PARD3B: variants seen among roughly 807,000 people sequenced by gnomAD.
PARD3B encodes the protein partitioning defective 3 homolog B.
PARD3B carries 103 observed loss-of-function variants against 130.2 expected under a neutral mutation model. The ratio of observed to expected loss-of-function variants is 0.79; its 90% CI spans 0.67 to 0.93. The LOEUF (loss-of-function observed/expected upper bound fraction) is 0.93. Ranked by LOEUF, PARD3B falls within the 40% of genes least tolerant of loss-of-function variation. PARD3B has a pLI of 0.00. For missense variants in PARD3B, 1,609 were observed against 1,499.2 expected (o/e 1.07, Z -1.21); for synonymous variants, 583 against 553.2 (o/e 1.05, Z -0.76).
intron 2 of PARD3B, among the ~76,000 whole-genome samples, chr2:204,801,740 A>G (rs1171983318): frequency 2.6e-5 from 4 of 152,118 alleles, no homozygotes; most frequent in African/African-American, 4.8e-5. Flanking sequence ...TTCCAATACT[A>G]TGTTGAATAG....
intron 16 of PARD3B, among the ~76,000 whole-genome samples, chr2:205,259,004 T>G (rs1479957919): frequency 4.6e-5 from 7 of 152,146 alleles, no homozygotes; most frequent in Non-Finnish European, 5.9e-5. Flanking sequence ...AATCTAAAAT[T>G]AGTCTGTATC....
At chr2:205,419,302 T>G (rs1195579588) in intron 19 of PARD3B, among the ~76,000 whole-genome samples, 1 of 129,282 alleles carries the variant, frequency 7.7e-6, no homozygotes, top group Admixed American at 8.6e-5. Flanking sequence ...CCACCATCCA[T>G]GTAAGATGTG....
chr2:205,301,894 G>A lies in PARD3B; in HGVS notation c.2630+193G>A. ...TTTGGGGAAAGTTACAGTGATGACA[G>A]GACACTGTCTTAAGTTTGTTGTCAA... On this transcript the variant is annotated intron_variant, in intron 18 of 22. Transcript: ENST00000406610. This position sits in a 1 kb window ranked among gnomAD's most constrained non-coding sequence, Gnocchi z 5.2. 1.2e-6 allele frequency: 1 copy of A among 844,278 alleles called. No homozygotes were observed. The allele number at this position is 844,278 out of a possible 1,614,324, so 52.3% of individuals were successfully genotyped here.
intron 2 of PARD3B, among the ~76,000 whole-genome samples, chr2:204,936,266 A>G (rs1688446376): frequency 2.0e-5 from 3 of 152,320 alleles, no homozygotes; most frequent in Admixed American, 2.0e-4. Flanking sequence ...AACTTTGGTG[A>G]CTTCTCTGCC....
At position 204,778,146 on chromosome 2, in the gene PARD3B, CAA is replaced by C. The variant is rs35683519; in HGVS notation, c.222+91881_222+91882del. Reference sequence around the variant, plus strand: ...GAGAATGGGCTAACACACCCTCTATCAAAAAAAAAAAAAAAAAAGATCGTCAT... The same window carrying C: ...GAGAATGGGCTAACACACCCTCTATCAAAAAAAAAAAAAAAAGATCGTCAT... On this transcript the variant is annotated intron_variant, in intron 2 of 22. Coordinates refer to ENST00000406610, the MANE Select transcript of PARD3B (RefSeq NM_001302769.2). Among the ~76,000 whole-genome samples, 539 of 109,182 alleles carry C rather than the reference CAA, an allele frequency of 4.9e-3. 2 individuals are homozygous for C. The highest frequency in any genetic ancestry group is 0.02 in the Middle Eastern group (4 of 202). The allele number at this position is 109,182 out of a possible 152,430, so 71.6% of individuals were successfully genotyped here. A position where few individuals can be genotyped will look rare whatever the true frequency, so the allele number is the denominator to read the frequency against.
intron 16 of PARD3B, among the ~76,000 whole-genome samples, chr2:205,279,464 G>A (rs9917331): frequency 0.014 from 2,070 of 152,106 alleles, 52 homozygotes; most frequent in African/African-American, 0.045. Flanking sequence ...TTTTTGCCTT[G>A]TTAATTATGT....
chr2:205,305,750 C>T (rs2042163962), intron 18 of PARD3B, among the ~76,000 whole-genome samples: 2 of 152,100 alleles, frequency 1.3e-5, no homozygotes, highest in South Asian at 2.1e-4. Flanking sequence ...TCATCTGAAA[C>T]ATGAGAAGCA....
At chr2:205,002,981 C>G (rs1284885289) in intron 3 of PARD3B, among the ~76,000 whole-genome samples, 1 of 152,164 alleles carries the variant, frequency 6.6e-6, no homozygotes, top group African/African-American at 2.4e-5. Context: ...TTGCACTGGT[C>G]GAAGGTTGTT....
intron 2 of PARD3B, among the ~76,000 whole-genome samples, chr2:204,766,966 T>TC (rs2041184145): frequency 2.4e-4 from 3 of 12,354 alleles, no homozygotes; most frequent in Non-Finnish European, 7.3e-4. Context: ...TTTCTTTTTC[T>TC]TTTTTTTTTT....
At chr2:204,908,594 T>C (rs1194738285) in intron 2 of PARD3B, among the ~76,000 whole-genome samples, 1 of 152,258 alleles carries the variant, frequency 6.6e-6, no homozygotes, top group Middle Eastern at 3.4e-3. Flanking sequence ...AAAACAAAAG[T>C]CTATGAGATA....
intron 5 of PARD3B, among the ~76,000 whole-genome samples, chr2:205,107,393 T>G (rs1490826754): frequency 6.6e-6 from 1 of 152,226 alleles, no homozygotes; most frequent in African/African-American, 2.4e-5. Flanking sequence ...ATATGTATCT[T>G]CATAGGAAAA....
At chr2:204,569,882 A>G (rs780155215) in intron 1 of PARD3B, among the ~76,000 whole-genome samples, 8 of 152,176 alleles carry the variant, frequency 5.3e-5, no homozygotes, top group Non-Finnish European at 1.0e-4. Context: ...TATAGTCTCA[A>G]AGATCATGAT....
chr2:205,442,282 A>AGGTTTTCCT (rs1295264689), intron 20 of PARD3B, among the ~76,000 whole-genome samples: 1 of 141,810 alleles, frequency 7.1e-6, no homozygotes, highest in African/African-American at 2.7e-5. Context: ...CACAAGGAAC[A>AGGTTTTCCT]GGTTTTCCTT....
At chr2:205,218,562 A>G (rs1226116339) in intron 15 of PARD3B, among the ~76,000 whole-genome samples, 1 of 152,194 alleles carries the variant, frequency 6.6e-6, no homozygotes, top group Non-Finnish European at 1.5e-5. Flanking sequence ...TCAATCTATA[A>G]TTAACTCATA....
chr2:204,933,521 A>G (rs1040077934), intron 2 of PARD3B, among the ~76,000 whole-genome samples: 5 of 152,230 alleles, frequency 3.3e-5, no homozygotes, highest in Admixed American at 3.3e-4. Context: ...TAAAAGAAAC[A>G]CTGATATTTA....
At chr2:205,138,016 A>G (rs2032632648) in intron 10 of PARD3B, among the ~76,000 whole-genome samples, 1 of 152,224 alleles carries the variant, frequency 6.6e-6, no homozygotes, top group Admixed American at 6.5e-5. Context: ...AAGGAGATAT[A>G]ATTCATGGAG....
rs2036656910 is a variant in PARD3B at position 204,678,410 on chromosome 2, G to A, written c.121-7771G>A. On this transcript the variant is annotated intron_variant, in intron 1 of 22. Transcript: ENST00000406610. This position sits in a 1 kb window ranked among gnomAD's most constrained non-coding sequence, Gnocchi z 4.2. ...CATATACCCTGCCCTCTTGGTACCC[G>A]GGTTCTTGTCTGGCATCCAGGAAGA... 1.3e-5 allele frequency among the ~76,000 whole-genome samples: 2 copies of A among 151,916 alleles called. No individual in the cohort carries two copies. The highest frequency in any genetic ancestry group is 4.8e-5 in the African/African-American group (2 of 41,408).
At chr2:205,210,326 A>G (rs1453240170) in intron 15 of PARD3B, among the ~76,000 whole-genome samples, 1 of 152,054 alleles carries the variant, frequency 6.6e-6, no homozygotes, top group Non-Finnish European at 1.5e-5. Context: ...AATTTTTCTC[A>G]AGTGATTGTA....
intron 3 of PARD3B, among the ~76,000 whole-genome samples, chr2:204,976,519 C>A (rs987323725): frequency 6.6e-6 from 1 of 151,338 alleles, no homozygotes; most frequent in African/African-American, 2.4e-5. Context: ...TATAAATCTG[C>A]TAGTCACTGT....
Sources: allele counts gnomAD v4.1 joint callset (sites outside exome capture counted in the v4.1 genomes callset), GRCh38; gene constraint gnomAD v4.1.1; non-coding constraint Gnocchi (gnomAD v3.1); transcripts MANE v1.5; gene names NCBI Gene and HGNC (gene_info 2026-07-23, HGNC 2026-07-21).